The following SRPK2 variants were observed in gnomAD, a reference collection of about 807,000 sequenced individuals.
The protein encoded by SRPK2 is SFRS protein kinase 2.
SRPK2 carries 21 observed loss-of-function variants against 90.8 expected under a neutral mutation model. The observed-to-expected ratio is 0.23, with a 90% CI of 0.16 to 0.33. SRPK2 has a LOEUF of 0.33. Ranked by LOEUF, SRPK2 falls within the 10% of genes least tolerant of loss-of-function variation. The pLI is 1.00. For synonymous variants in SRPK2, 288 were observed against 311.1 expected, an observed-to-expected ratio of 0.93 and a Z score of 0.78; for missense variants, 620 against 869.0, an observed-to-expected ratio of 0.71 and a Z score of 3.60.
At chr7:105,352,773 C>T (rs1313256331) in intron 2 of SRPK2, among the ~76,000 whole-genome samples, 5 of 152,172 alleles carry the variant, frequency 3.3e-5, no homozygotes, top group East Asian at 3.9e-4. Flanking sequence ...TGGTGGCGCA[C>T]GCCTGTAATC....
chr7:105,129,115 C>T (rs997420684), intron 13 of SRPK2, among the ~76,000 whole-genome samples: 1 of 152,176 alleles, frequency 6.6e-6, no homozygotes, highest in African/African-American at 2.4e-5. Context: ...GCGCCCGCCA[C>T]CACGCCCGGC....
chr7:105,286,862 G>C (rs2130922932), intron 2 of SRPK2, among the ~76,000 whole-genome samples: 1 of 152,310 alleles, frequency 6.6e-6, no homozygotes, highest in South Asian at 2.1e-4. Context: ...CGTGGCCTAG[G>C]AGAATCACAC....
chr7:105,268,972 G>A (rs1805467126), intron 2 of SRPK2: 2 of 1,419,386 alleles, frequency 1.4e-6, no homozygotes, highest in Non-Finnish European at 9.4e-7. Context: ...TCAGAATGAG[G>A]CCACAAGATT....
intron 2 of SRPK2, among the ~76,000 whole-genome samples, chr7:105,366,336 T>C (rs1291695785): frequency 6.6e-6 from 1 of 151,732 alleles, no homozygotes; most frequent in Non-Finnish European, 1.5e-5. Context: ...CTTTGCTTTT[T>C]CTCTAATTGT....
At chr7:105,333,280 AT>A (rs1357861237) in intron 2 of SRPK2, among the ~76,000 whole-genome samples, 1 of 152,236 alleles carries the variant, frequency 6.6e-6, no homozygotes, top group Non-Finnish European at 1.5e-5. Context: ...TACATTGGAA[AT>A]TATAACAATA....
chr7:105,198,137 T>C (rs2129608447), intron 3 of SRPK2, among the ~76,000 whole-genome samples: 1 of 152,350 alleles, frequency 6.6e-6, no homozygotes, highest in Admixed American at 6.5e-5. Context: ...GACCTTAGAA[T>C]GGAGCAGATT....
chr7:105,236,128 G>A (rs1314696155), intron 2 of SRPK2, among the ~76,000 whole-genome samples: 1 of 152,184 alleles, frequency 6.6e-6, no homozygotes, highest in Non-Finnish European at 1.5e-5. Context: ...GGTAGGGTCT[G>A]AGAAGGTGCC....
chr7:105,268,642 A>G (rs1805417010), intron 2 of SRPK2, among the ~76,000 whole-genome samples: 1 of 152,232 alleles, frequency 6.6e-6, no homozygotes, highest in African/African-American at 2.4e-5. Flanking sequence ...CACCCTTTGC[A>G]AAAGCAGAAC....
intron 2 of SRPK2, among the ~76,000 whole-genome samples, chr7:105,299,493 T>C (rs1158762487): frequency 6.6e-6 from 1 of 152,210 alleles, no homozygotes; most frequent in Non-Finnish European, 1.5e-5. Flanking sequence ...CATTAAGAAA[T>C]TAAATATATT....
intron 2 of SRPK2, among the ~76,000 whole-genome samples, chr7:105,228,076 C>T (rs1798943502): frequency 6.6e-6 from 1 of 152,160 alleles, no homozygotes; most frequent in East Asian, 1.9e-4. Flanking sequence ...AGGTCTCACT[C>T]TGTTGCCCAG....
chr7:105,312,443 A>AAAAAAAC (rs1554506081), intron 2 of SRPK2, among the ~76,000 whole-genome samples: 4 of 150,772 alleles, frequency 2.7e-5, no homozygotes, highest in Admixed American at 6.6e-5. Flanking sequence ...CCGTCAAAAA[A>AAAAAAAC]AAAAAAAAAA....
intron 2 of SRPK2, among the ~76,000 whole-genome samples, chr7:105,319,110 A>G (rs886361112): frequency 6.6e-6 from 1 of 152,252 alleles, no homozygotes; most frequent in Non-Finnish European, 1.5e-5. Context: ...AATTCACTCA[A>G]TATTTCAAAA....
intron 11 of SRPK2, among the ~76,000 whole-genome samples, chr7:105,134,678 A>G (rs1297398958): frequency 6.6e-6 from 1 of 152,240 alleles, no homozygotes; most frequent in Non-Finnish European, 1.5e-5. Flanking sequence ...AAGAGGAAGG[A>G]GGGCCAGCCT....
At chr7:105,203,979 A>T (rs1353126569) in intron 2 of SRPK2, among the ~76,000 whole-genome samples, 194 bp from the exon 3 acceptor site, 6 of 152,180 alleles carry the variant, frequency 3.9e-5, no homozygotes, top group Non-Finnish European at 5.9e-5. Flanking sequence ...CAAAAAAAAA[A>T]AAAATCTGCC....
intron 2 of SRPK2, among the ~76,000 whole-genome samples, chr7:105,269,963 A>G (rs1348048617): frequency 1.3e-5 from 2 of 152,262 alleles, no homozygotes; most frequent in Middle Eastern, 3.2e-3. Context: ...ATTTCAAAAT[A>G]GACCTCAATA....
At chr7:105,151,250 T>C (rs1426034461) in intron 7 of SRPK2, among the ~76,000 whole-genome samples, 1 of 152,208 alleles carries the variant, frequency 6.6e-6, no homozygotes, top group East Asian at 1.9e-4. Context: ...AGGGCAGCGT[T>C]AAAAACATGA....
At chr7:105,366,085 C>T (rs571407839) in intron 2 of SRPK2, among the ~76,000 whole-genome samples, 6 of 152,096 alleles carry the variant, frequency 3.9e-5, no homozygotes, top group South Asian at 4.2e-4. Flanking sequence ...GATCTCTTGA[C>T]CTTGTGATCC....
At chr7:105,267,725 A>C (rs1480447426) in intron 2 of SRPK2, among the ~76,000 whole-genome samples, 1 of 152,192 alleles carries the variant, frequency 6.6e-6, no homozygotes, top group Admixed American at 6.5e-5. Context: ...ATATACTAGC[A>C]TACTTTAAAT....
At chr7:105,194,136 T>C (rs1794632112) in intron 3 of SRPK2, among the ~76,000 whole-genome samples, 1 of 152,160 alleles carries the variant, frequency 6.6e-6, no homozygotes, top group Non-Finnish European at 1.5e-5. Flanking sequence ...TAATGTTTCT[T>C]ATATGCTCTC....
Sources: gnomAD v4.1 joint callset for allele counts (sites outside exome capture counted in the v4.1 genomes callset) on GRCh38, gnomAD v4.1.1 for gene constraint, MANE v1.5 for transcripts, NCBI Gene and HGNC (gene_info 2026-07-23, HGNC 2026-07-21) for gene names.